Variants in FGF14 observed in about 807,000 individuals in gnomAD.
FGF14 encodes the protein fibroblast growth factor homologous factor 4.
Under a neutral mutation model 25.5 loss-of-function variants are expected in FGF14, and 5 were observed. That is an observed-to-expected ratio of 0.20 (90% CI 0.10 to 0.41). FGF14 has a LOEUF of 0.41. Among genes scored for constraint, FGF14 ranks in the 10% least tolerant of loss-of-function variants. The pLI is 1.00. For missense variants in FGF14, 222 were observed against 320.1 expected (o/e 0.69, Z 2.34); for synonymous variants, 138 against 118.3 (o/e 1.17, Z -1.08).
At chr13:101,765,045 G>C (rs7320370) in intron 3 of FGF14, among the ~76,000 whole-genome samples, 65,422 of 151,938 alleles carry the variant, frequency 0.43, 15,176 homozygotes, top group Middle Eastern at 0.52. Flanking sequence ...TGTGAGCAAG[G>C]AGCTCTCCTT....
chr13:102,285,000 G>T (rs1849475922), intron 1 of FGF14, among the ~76,000 whole-genome samples: 1 of 151,798 alleles, frequency 6.6e-6, no homozygotes, highest in Non-Finnish European at 1.5e-5. Flanking sequence ...TTTTCAAAAA[G>T]AAGGAAAAGA....
chr13:101,887,047 T>C (rs1414838312), intron 1 of FGF14, among the ~76,000 whole-genome samples: 1 of 152,000 alleles, frequency 6.6e-6, no homozygotes, highest in Non-Finnish European at 1.5e-5. Flanking sequence ...AAATAACATA[T>C]GCCGGGGAGG....
At chr13:102,341,002 T>C (rs1434142821) in intron 1 of FGF14, among the ~76,000 whole-genome samples, 1 of 152,122 alleles carries the variant, frequency 6.6e-6, no homozygotes, top group African/African-American at 2.4e-5. Context: ...GAAAACTAAA[T>C]ATGTGTTAAA....
At chr13:102,401,397 C>G in intron 1 of FGF14, 1 of 1,394,332 alleles carries the variant, frequency 7.2e-7, no homozygotes, top group South Asian at 1.2e-5. Flanking sequence ...CATAGCAGAA[C>G]TGCAGATCTA....
chr13:101,856,107 T>C (rs1342804070), intron 3 of FGF14, among the ~76,000 whole-genome samples: 2 of 151,778 alleles, frequency 1.3e-5, no homozygotes, highest in East Asian at 3.9e-4. Flanking sequence ...AGCTAAACCA[T>C]TTATGGCATC....
chr13:102,342,983 C>A (rs138626532), intron 1 of FGF14, among the ~76,000 whole-genome samples: 42 of 152,244 alleles, frequency 2.8e-4, no homozygotes, highest in African/African-American at 9.9e-4. Flanking sequence ...AACATTAATA[C>A]AAAATCAGTA....
chr13:101,807,312 A>G (rs865900178), intron 3 of FGF14, among the ~76,000 whole-genome samples: 1 of 152,142 alleles, frequency 6.6e-6, no homozygotes, highest in South Asian at 2.1e-4. Flanking sequence ...CCACAAACTC[A>G]TCAATGCTCC....
At chr13:101,826,101 C>G (rs978233952) in intron 3 of FGF14, among the ~76,000 whole-genome samples, 1 of 151,954 alleles carries the variant, frequency 6.6e-6, no homozygotes, top group Non-Finnish European at 1.5e-5. Flanking sequence ...GCCTCTATTG[C>G]CTTTGGAAGG....
chr13:102,133,891 C>G (rs892090645), intron 1 of FGF14, among the ~76,000 whole-genome samples: 1 of 152,160 alleles, frequency 6.6e-6, no homozygotes, highest in Non-Finnish European at 1.5e-5. Flanking sequence ...TGTTTCTTCC[C>G]TGCTGTTTCT....
At chr13:102,242,383 T>G (rs576430614) in intron 1 of FGF14, among the ~76,000 whole-genome samples, 1 of 152,204 alleles carries the variant, frequency 6.6e-6, no homozygotes, top group South Asian at 2.1e-4. Context: ...TAATTTATAA[T>G]GAACAGAAAT....
chr13:101,954,302 G>A lies in FGF14; in HGVS notation c.209-79006C>T, dbSNP rs1255534523. On this transcript the variant is annotated intron_variant, in intron 1 of 4. Coordinates refer to the FGF14 transcript ENST00000376131. ...GAGTTATGGAGCATCAACAATGTAT[G>A]AGGCACTGGGCGGGGTGGGGGGGTG... Among the ~76,000 whole-genome samples the A allele has an allele frequency of 2.0e-5, 3 of 147,552 alleles. No homozygotes were observed. The East Asian group carries it at 6.3e-4, about 31-fold the overall frequency.
chr13:102,301,789 A>C (rs140827126), intron 1 of FGF14, among the ~76,000 whole-genome samples: 1 of 146,096 alleles, frequency 6.8e-6, no homozygotes, highest in African/African-American at 2.5e-5. Context: ...CCTGGAGATC[A>C]TTCTATACCT....
At chr13:102,213,058 T>C (rs2050224481) in intron 1 of FGF14, among the ~76,000 whole-genome samples, 1 of 152,090 alleles carries the variant, frequency 6.6e-6, no homozygotes, top group Non-Finnish European at 1.5e-5. Flanking sequence ...TTGAAAGAAA[T>C]AACAAAGATG....
In FGF14 at chr13:102,024,189, T is replaced by G. The variant is rs143962270; in HGVS notation, c.209-148893A>C. Among the ~76,000 whole-genome samples the G allele has an allele frequency of 4.3e-3, 653 of 152,226 alleles. 9 individuals are homozygous for G. The highest frequency in any genetic ancestry group is 0.027 in the Admixed American group (418 of 15,282). On this transcript the variant is annotated intron_variant, in intron 1 of 4. Coordinates refer to the FGF14 transcript ENST00000376131. ...TCCTGAGTTACTCTGTTTCACATTT[T>G]AAAGAACTGTATGTGTTTTCCAAAG...
At chr13:102,277,436 GC>G (rs2053602896) in intron 1 of FGF14, among the ~76,000 whole-genome samples, 1 of 152,172 alleles carries the variant, frequency 6.6e-6, no homozygotes, top group South Asian at 2.1e-4. Context: ...CAGCATGCTG[GC>G]CCCACCGCGT....
At chr13:101,871,608 T>C (rs1245973811) in intron 2 of FGF14, among the ~76,000 whole-genome samples, 2 of 151,922 alleles carry the variant, frequency 1.3e-5, no homozygotes, top group Admixed American at 1.3e-4. Context: ...CCTATTCTGC[T>C]TGTAGTAGCT....
intron 1 of FGF14, among the ~76,000 whole-genome samples, chr13:102,027,383 T>C (rs1041775651): frequency 6.6e-6 from 1 of 151,828 alleles, no homozygotes; most frequent in African/African-American, 2.4e-5. Flanking sequence ...TGTTCTTCTT[T>C]CAGTATAAAT....
In FGF14 at chr13:102,302,962, T is replaced by A. The variant is rs1376667850; in HGVS notation, c.208+98509A>T. On this transcript the variant is annotated intron_variant, in intron 1 of 4. Transcript: ENST00000376131. ...CTCAAAACCCTTCAGTGTTTTCCTG[T>A]CCCCTAGGAGTTAAAGGCAAACCCC... Among the ~76,000 whole-genome samples the A allele has an allele frequency of 2.6e-5, 4 of 152,124 alleles. No homozygotes were observed. The East Asian group carries it at 5.8e-4, about 22-fold the overall frequency.
chr13:101,901,472 G>C (rs2031538732), intron 1 of FGF14, among the ~76,000 whole-genome samples: 1 of 152,180 alleles, frequency 6.6e-6, no homozygotes, highest in Non-Finnish European at 1.5e-5. Context: ...GGGAGGCCGG[G>C]GCGGGTGGGT....
Sources: allele counts gnomAD v4.1 joint callset (sites outside exome capture counted in the v4.1 genomes callset), GRCh38; gene constraint gnomAD v4.1.1; transcripts MANE v1.5; gene names NCBI Gene and HGNC (gene_info 2026-07-23, HGNC 2026-07-21).